The following HERPUD2 variants were observed in gnomAD, a reference collection of about 807,000 sequenced individuals.
HERPUD2 encodes the protein homocysteine-responsive endoplasmic reticulum-resident ubiquitin-like domain member 2 protein.
HERPUD2 carries 13 observed loss-of-function variants against 49.9 expected under a neutral mutation model. That is an observed-to-expected ratio of 0.26 (90% CI 0.17 to 0.41). HERPUD2 has a LOEUF of 0.41. Ranked by LOEUF, HERPUD2 falls within the 10% of genes least tolerant of loss-of-function variation. The pLI is 1.00. For synonymous variants in HERPUD2, 172 were observed against 171.4 expected, an observed-to-expected ratio of 1.00 and a Z score of -0.03; for missense variants, 449 against 492.2, an observed-to-expected ratio of 0.91 and a Z score of 0.83.
intron 2 of HERPUD2, among the ~76,000 whole-genome samples, chr7:35,683,168 A>G (rs893588058): frequency 6.6e-5 from 10 of 152,336 alleles, no homozygotes; most frequent in African/African-American, 1.2e-4. Context: ...CTGGTTTCAA[A>G]CTATACTACA....
chr7:35,670,323 A>G lies in HERPUD2; in HGVS notation c.231T>C (p.Asp77=), dbSNP rs781337738. The stretch of plus-strand genomic sequence containing the variant: ...ATACTAGATGAACCATATGATACTC[A>G]TCTTGCTAAAATTAAAGAAGATTAC... The part of the protein sequence containing the change: ...LQLKDILRKQ[D]EYHMVHLVCT... The change falls in exon 4 of 9, where the codon GAT becomes GAC. Residue 77 remains aspartate, a synonymous_variant. Transcript: ENST00000311350. The G allele has an allele frequency of 7.0e-7, 1 of 1,436,260 alleles. No homozygotes were observed. Among genetic ancestry groups the G allele is most frequent in the Admixed American group, 2.1e-5 (1 of 48,492 alleles). 89.0% of individuals were successfully genotyped at this position (1,436,260 alleles called of 1,614,324 possible).
At chr7:35,644,884 G>C (rs1178933520) in intron 5 of HERPUD2, among the ~76,000 whole-genome samples, 1 of 152,020 alleles carries the variant, frequency 6.6e-6, no homozygotes. Context: ...TGAACACAAA[G>C]TGAATACTAG....
In HERPUD2 at chr7:35,632,874, T is replaced by C. The variant is rs923082649; in HGVS notation, c.*816A>G. 3.3e-5 allele frequency: 5 copies of C among 152,572 alleles called. No individual in the cohort carries two copies. Among genetic ancestry groups the C allele is most frequent in the African/African-American group, 1.2e-4 (5 of 41,426 alleles). 9.5% of individuals were successfully genotyped at this position (152,572 alleles called of 1,614,324 possible). A position where few individuals can be genotyped will look rare whatever the true frequency, so the allele number is the denominator to read the frequency against. On this transcript the variant is annotated 3_prime_UTR_variant, in exon 9 of 9. Coordinates refer to ENST00000311350, the MANE Select transcript of HERPUD2 (RefSeq NM_022373.5). The stretch of plus-strand genomic sequence containing the variant: ...TATTCAAATATCAAAATTAAGATTA[T>C]TGAGAAGTTTATTGCTTTATGGCTG...
At chr7:35,653,904 GC>G (rs1785220552) in intron 5 of HERPUD2, among the ~76,000 whole-genome samples, 1 of 152,124 alleles carries the variant, frequency 6.6e-6, no homozygotes, top group Admixed American at 6.6e-5. Context: ...GGAGGCTGAG[GC>G]AGAAGGACTG....
intron 2 of HERPUD2, among the ~76,000 whole-genome samples, chr7:35,680,601 T>G (rs906026052): frequency 6.6e-6 from 1 of 152,112 alleles, no homozygotes; most frequent in Non-Finnish European, 1.5e-5. Context: ...GACATTCACT[T>G]AGCTCCCAAG....
intron 2 of HERPUD2, among the ~76,000 whole-genome samples, chr7:35,674,263 C>T (rs1785701236): frequency 6.6e-6 from 1 of 151,138 alleles, no homozygotes; most frequent in Non-Finnish European, 1.5e-5. Context: ...TACACATATT[C>T]CAGTTTCTCC....
chr7:35,648,024 C>A (rs1364557684), intron 5 of HERPUD2, among the ~76,000 whole-genome samples: 1 of 152,164 alleles, frequency 6.6e-6, no homozygotes, highest in African/African-American at 2.4e-5. Flanking sequence ...TTTATCATGT[C>A]TCAGATTAAA....
In HERPUD2 at chr7:35,694,491, C is replaced by G. The variant is rs1387410969; in HGVS notation, c.-161G>C. On this transcript the variant is annotated 5_prime_UTR_variant, in exon 2 of 9. Transcript: ENST00000311350. ...CACTGGAGGATACGAAGCCCATTGC[C>G]GGTACCAAGGATGGACTGAGGTGGT... 8.4e-6 allele frequency: 6 copies of G among 712,512 alleles called. No individual in the cohort carries two copies. Among genetic ancestry groups the G allele is most frequent in the Non-Finnish European group, 1.4e-5 (6 of 430,296 alleles). 44.1% of individuals were successfully genotyped at this position (712,512 alleles called of 1,614,324 possible). A position where few individuals can be genotyped will look rare whatever the true frequency, so the allele number is the denominator to read the frequency against.
chr7:35,634,027 T>G (rs929122055), intron 8 of HERPUD2, among the ~76,000 whole-genome samples, 176 bp from the exon 9 acceptor site: 18 of 152,358 alleles, frequency 1.2e-4, no homozygotes, highest in African/African-American at 4.3e-4. Flanking sequence ...AGGGGACAAC[T>G]GCCAATGCAA....
At chr7:35,688,503 TCACACCAA>T (rs1786112634) in intron 2 of HERPUD2, among the ~76,000 whole-genome samples, 2 of 152,206 alleles carry the variant, frequency 1.3e-5, no homozygotes, top group African/African-American at 4.8e-5. Flanking sequence ...TGACTATGGT[TCACACCAA>T]CTGGTAGACT....
chr7:35,690,276 C>T (rs1320758028), intron 2 of HERPUD2, among the ~76,000 whole-genome samples: 1 of 152,190 alleles, frequency 6.6e-6, no homozygotes, highest in Non-Finnish European at 1.5e-5. Context: ...TAAACCAAGT[C>T]TTAAACCAAT....
intron 2 of HERPUD2, among the ~76,000 whole-genome samples, chr7:35,675,666 C>T (rs1288509245): frequency 2.0e-5 from 3 of 152,196 alleles, no homozygotes; most frequent in African/African-American, 7.2e-5. Context: ...TTCAAGAACT[C>T]TCAAGTACCC....
chr7:35,652,096 A>C (rs1267528328), intron 5 of HERPUD2, among the ~76,000 whole-genome samples: 2 of 152,170 alleles, frequency 1.3e-5, no homozygotes, highest in Admixed American at 1.3e-4. Flanking sequence ...TTCAATTTTT[A>C]TAAGTAACTA....
At chr7:35,682,351 G>A (rs1461889945) in intron 2 of HERPUD2, among the ~76,000 whole-genome samples, 1,828 of 28,672 alleles carry the variant, frequency 0.064, 307 homozygotes, top group African/African-American at 0.082. Flanking sequence ...GTGTGTGTGT[G>A]TGTGTGTATA....
Position 35,694,201 on chromosome 7 carries a change from C to G in HERPUD2, c.130G>C (p.Val44Leu), listed in dbSNP as rs1407751563. The G allele has an allele frequency of 4.3e-6, 7 of 1,613,916 alleles. No homozygotes were observed. The highest frequency in any genetic ancestry group is 5.9e-6 in the Non-Finnish European group (7 of 1,179,998). The change falls in exon 2 of 9, where the codon GTT becomes CTT. Residue 44 changes from valine to leucine, a missense_variant. Val to Leu is a conservative substitution (Grantham distance 32, BLOSUM62 1). Coordinates refer to ENST00000311350, the MANE Select transcript of HERPUD2 (RefSeq NM_022373.5). ...VGKLKTHLSNVYPSKPLTKDQ... is the reference protein window; with the variant it reads ...VGKLKTHLSNLYPSKPLTKDQ... ...ACACTTACTGGTTTGCTAGGGTAAA[C>G]GTTAGATAGATGCGTTTTTAGTTTC...
In HERPUD2 at chr7:35,633,773, C is replaced by T; in HGVS notation, c.1138G>A (p.Gly380Arg). The change falls in exon 9 of 9, where the codon GGA becomes AGA. Residue 380 changes from glycine to arginine, a missense_variant. Coordinates refer to ENST00000311350, the MANE Select transcript of HERPUD2 (RefSeq NM_022373.5). ...AAAGACCAAGCTGAAGCCATTAATC[C>T]AGGCCTTTGAATTGCACTGGCATCT... ...GEDASAIQRP[G>R]LMASAWSFIT... The T allele has an allele frequency of 6.2e-7, 1 of 1,613,982 alleles. No homozygotes were observed. Among genetic ancestry groups the T allele is most frequent in the Non-Finnish European group, 8.5e-7 (1 of 1,179,936 alleles).
chr7:35,635,501 T>G, intron 6 of HERPUD2, 43 bp from the exon 7 acceptor site: 1 of 1,475,184 alleles, frequency 6.8e-7, no homozygotes, highest in Non-Finnish European at 9.2e-7. Context: ...AAAAAAAAAC[T>G]TTACCATACC....
rs768568731 is a variant in HERPUD2 at position 35,638,469 on chromosome 7, A to C, written c.498T>G (p.Asn166Lys). The change falls in exon 6 of 9, where the codon AAT becomes AAG. Residue 166 changes from asparagine (N) to lysine (K), a missense_variant. By Grantham distance (94) the Asn-to-Lys change is moderately conservative (BLOSUM62 0). Coordinates refer to ENST00000311350, the MANE Select transcript of HERPUD2 (RefSeq NM_022373.5). ...CTTGCCCAGGAAATTGGTTGTCTACATTTCTGCAAGAAATAAATAATGAGC... is the reference window on the plus strand; with the variant it reads ...CTTGCCCAGGAAATTGGTTGTCTACCTTTCTGCAAGAAATAAATAATGAGC... ...SHQFPYVMQG[N>K]VDNQFPGQAA... The C allele has an allele frequency of 6.2e-7, 1 of 1,612,054 alleles. No homozygotes were observed. The highest frequency in any genetic ancestry group is 1.7e-5 in the Admixed American group (1 of 59,620).
At chr7:35,654,233 A>G (rs145924729) in intron 5 of HERPUD2, among the ~76,000 whole-genome samples, 267 of 152,178 alleles carry the variant, frequency 1.8e-3, no homozygotes, top group Middle Eastern at 6.8e-3. Flanking sequence ...GATAGACTGA[A>G]AAAACACAAT....
Sources: allele counts gnomAD v4.1 joint callset (sites outside exome capture counted in the v4.1 genomes callset), GRCh38; gene constraint gnomAD v4.1.1; transcripts MANE v1.5; gene names NCBI Gene and HGNC (gene_info 2026-07-23, HGNC 2026-07-21).